The following ZDHHC20 variants were observed in gnomAD, a reference collection of about 807,000 sequenced individuals.
ZDHHC20 encodes zDHHC palmitoyltransferase 20.
A neutral mutation model predicts 57.8 loss-of-function variants in ZDHHC20; 43 were observed. The ratio of observed to expected loss-of-function variants is 0.74; its 90% CI spans 0.58 to 0.96. The LOEUF is 0.96. ZDHHC20 is among the 40% of genes least tolerant of loss of function. ZDHHC20 has a pLI of 0.00. For missense variants in ZDHHC20, 391 were observed against 441.1 expected (o/e 0.89, Z 1.02); for synonymous variants, 157 against 153.0 (o/e 1.03, Z -0.19).
rs1177750270 is a variant in ZDHHC20 at position 21,376,441 on chromosome 13, C to T, written c.*255G>A. 1 of 336,842 alleles carries T rather than the reference C, an allele frequency of 3.0e-6. No homozygotes were observed. The highest frequency in any genetic ancestry group is 5.6e-6 in the Non-Finnish European group (1 of 178,356). The allele number at this position is 336,842 out of a possible 1,614,324, so 20.9% of individuals were successfully genotyped here. A position where few individuals can be genotyped will look rare whatever the true frequency, so the allele number is the denominator to read the frequency against. ...TATTATTTCCAGAATAACATTAAGT[C>T]ACTTTTGTAGCTCTAAGTCAATGCT... On this transcript the variant is annotated 3_prime_UTR_variant, in exon 13 of 13. Coordinates refer to ENST00000400590, the MANE Select transcript of ZDHHC20 (RefSeq NM_001330059.2).
intron 11 of ZDHHC20, among the ~76,000 whole-genome samples, chr13:21,380,564 C>T (rs982173713): frequency 2.6e-5 from 4 of 151,832 alleles, no homozygotes; most frequent in African/African-American, 2.4e-5. Flanking sequence ...GGGGCTGAGG[C>T]GGGTGGATCA....
intron 1 of ZDHHC20, among the ~76,000 whole-genome samples, chr13:21,455,121 G>T (rs1487976857): frequency 6.6e-6 from 1 of 152,040 alleles, no homozygotes; most frequent in African/African-American, 2.4e-5. Flanking sequence ...GGGTTTCACC[G>T]TGTTAGCCAG....
At chr13:21,453,792 T>C (rs868576327) in intron 1 of ZDHHC20, among the ~76,000 whole-genome samples, 9 of 152,230 alleles carry the variant, frequency 5.9e-5, no homozygotes, top group African/African-American at 2.2e-4. Context: ...GATTGCGCCA[T>C]TGCACTCCAG....
At chr13:21,404,524 G>A (rs1431586364) in intron 4 of ZDHHC20, among the ~76,000 whole-genome samples, 6 of 152,092 alleles carry the variant, frequency 3.9e-5, no homozygotes, top group African/African-American at 1.2e-4. Context: ...AGGCTGAGGC[G>A]GGTGGATCAC....
intron 1 of ZDHHC20, among the ~76,000 whole-genome samples, chr13:21,436,939 C>T (rs545172659): frequency 3.5e-4 from 53 of 152,206 alleles, no homozygotes; most frequent in South Asian, 2.7e-3. Flanking sequence ...CTAACTTTGG[C>T]CCACGTTGTG....
rs1593292115 is a variant in ZDHHC20, at chr13:21,454,186, C to T, written c.118+4868G>A. Among the ~76,000 whole-genome samples, 5 of 152,130 alleles carry T rather than the reference C, an allele frequency of 3.3e-5. No individual in the cohort carries two copies. In the East Asian group the frequency reaches 7.8e-4, roughly 24 times the overall value. On this transcript the variant is annotated intron_variant, in intron 1 of 12. Transcript: ENST00000400590. Reference sequence around the variant, plus strand: ...ACTAAAAATACAAAAATTAGCCGGGCGTGGTGGCACATGCCTATAATCCCA... The same window carrying T: ...ACTAAAAATACAAAAATTAGCCGGGTGTGGTGGCACATGCCTATAATCCCA...
chr13:21,390,096 A>G (rs1875392168), intron 8 of ZDHHC20: 1 of 152,230 alleles, frequency 6.6e-6, no homozygotes, highest in Non-Finnish European at 1.5e-5. Flanking sequence ...ACAGCTCAGT[A>G]ACACAACGTT....
At chr13:21,397,465 C>G (rs1238483546) in intron 7 of ZDHHC20, among the ~76,000 whole-genome samples, 1 of 151,962 alleles carries the variant, frequency 6.6e-6, no homozygotes, top group Admixed American at 6.6e-5. Context: ...ACTTATAGAC[C>G]AGCCTGGGCA....
Position 21,391,785 on chromosome 13 carries a change from T to G in ZDHHC20, c.664A>C (p.Ile222Leu). 1 of 1,613,482 alleles carries G rather than the reference T, an allele frequency of 6.2e-7. No homozygotes were observed. The highest frequency in any genetic ancestry group is 1.1e-5 in the South Asian group (1 of 90,944). The change falls in exon 8 of 13, where the codon ATC becomes CTC. Residue 222 changes from isoleucine to leucine, a missense_variant. Transcript: ENST00000400590. ...FLFFVSAMFF[I>L]SVLSLFSYHC... ...TAGCTGAAAAGTGAGAGGACGCTGA[T>G]GAAGAACATTGCAGACACAAAGAAA...
intron 7 of ZDHHC20, among the ~76,000 whole-genome samples, chr13:21,392,229 C>A (rs1049114054): frequency 2.4e-4 from 34 of 143,490 alleles, no homozygotes; most frequent in African/African-American, 8.3e-4. Flanking sequence ...AAAAAAAAAA[C>A]AATAGCAATA....
intron 5 of ZDHHC20, 100 bp downstream of exon 5, chr13:21,402,697 C>T: frequency 2.1e-6 from 2 of 961,344 alleles, no homozygotes; most frequent in Non-Finnish European, 3.2e-6. Flanking sequence ...ATGAAGTGTT[C>T]TTGTCAAGTG....
rs769070844 is a variant in ZDHHC20, at chr13:21,422,823, C to T, written c.146-1659G>A. On this transcript the variant is annotated intron_variant, in intron 2 of 12. Coordinates refer to ENST00000400590, the MANE Select transcript of ZDHHC20 (RefSeq NM_001330059.2). ...CTTTTCCCTCTTGGCTGTGGAATTC[C>T]TAAGAAATAATTCCAACCTCATGAC... Among the ~76,000 whole-genome samples the T allele has an allele frequency of 3.3e-4, 50 of 152,074 alleles. No homozygotes were observed. In the Middle Eastern group the frequency reaches 0.017, roughly 52 times the overall value.
In ZDHHC20 at chr13:21,459,092, A is replaced by G; in HGVS notation, c.80T>C (p.Val27Ala). 6.2e-7 allele frequency: 1 copy of G among 1,606,632 alleles called. No individual in the cohort carries two copies. Among genetic ancestry groups the G allele is most frequent in the Non-Finnish European group, 8.5e-7 (1 of 1,177,212 alleles). ...CACCACGTACGCGTAGTAGGACCAG[A>G]CGACCACGAAGGTGATGAAGAGCAC... ...VPVLFITFVV[V>A]WSYYAYVVEL... Residue 27 changes from valine to alanine, a missense_variant, in exon 1 of 13, where the codon GTC becomes GCC. Coordinates refer to ENST00000400590, the MANE Select transcript of ZDHHC20 (RefSeq NM_001330059.2).
At chr13:21,424,161 A>G (rs1274632654) in intron 2 of ZDHHC20, among the ~76,000 whole-genome samples, 2 of 152,228 alleles carry the variant, frequency 1.3e-5, no homozygotes, top group Admixed American at 6.5e-5. Flanking sequence ...AGTAAAGAGT[A>G]ACAGAAAACA....
rs1184661759 is a variant in ZDHHC20 at position 21,384,715 on chromosome 13, C to T, written c.855-1706G>A. Among the ~76,000 whole-genome samples, 8 of 152,320 alleles carry T rather than the reference C, an allele frequency of 5.3e-5. No homozygotes were observed. In the East Asian group the frequency reaches 1.5e-3, roughly 29 times the overall value. ...GACCAGCTTGACTGGGGCGATCTCACTGAACACATGGATTTGGTAGAAATT... is the reference window on the plus strand; with the variant it reads ...GACCAGCTTGACTGGGGCGATCTCATTGAACACATGGATTTGGTAGAAATT... On this transcript the variant is annotated intron_variant, in intron 9 of 12. Transcript: ENST00000400590.
At chr13:21,407,800 G>C (rs1878662006) in intron 4 of ZDHHC20, among the ~76,000 whole-genome samples, 1 of 152,158 alleles carries the variant, frequency 6.6e-6, no homozygotes, top group East Asian at 1.9e-4. Context: ...TTTGTATAAG[G>C]TGTAAGGAAG....
intron 11 of ZDHHC20, among the ~76,000 whole-genome samples, chr13:21,379,898 TC>T (rs1448044277): frequency 6.7e-6 from 1 of 149,404 alleles, no homozygotes; most frequent in Admixed American, 6.8e-5. Flanking sequence ...CACTGCGGGC[TC>T]CAACCCCCGG....
At chr13:21,397,693 T>C (rs1877023924) in intron 7 of ZDHHC20, among the ~76,000 whole-genome samples, 1 of 152,006 alleles carries the variant, frequency 6.6e-6, no homozygotes, top group Admixed American at 6.6e-5. Flanking sequence ...AAGATTAGTA[T>C]CTTTAATATA....
At chr13:21,380,995 T>C (rs1372514826) in intron 11 of ZDHHC20, among the ~76,000 whole-genome samples, 2 of 151,298 alleles carry the variant, frequency 1.3e-5, no homozygotes, top group Non-Finnish European at 2.9e-5. Flanking sequence ...ATTTTATTTA[T>C]TTATTTATTT....
Sources: allele counts gnomAD v4.1 joint callset (sites outside exome capture counted in the v4.1 genomes callset), GRCh38; gene constraint gnomAD v4.1.1; transcripts MANE v1.5; gene names NCBI Gene and HGNC (gene_info 2026-07-23, HGNC 2026-07-21).